Variants in FHOD3 observed in about 807,000 individuals in gnomAD.
The protein encoded by FHOD3 is FH1/FH2 domain-containing protein 3.
In FHOD3, 90 loss-of-function variants were observed where a neutral mutation model predicts 173.0. The ratio of observed to expected loss-of-function variants is 0.52; its 90% CI spans 0.44 to 0.62. The LOEUF (loss-of-function observed/expected upper bound fraction) is 0.62, where lower values mean the gene tolerates loss of function less well. Among genes scored for constraint, FHOD3 ranks in the 20% least tolerant of loss-of-function variants. The pLI, the probability that FHOD3 is intolerant of heterozygous loss-of-function variation, is 0.00. For missense variants in FHOD3, 1,945 were observed against 2,034.7 expected (o/e 0.96, Z 0.85); for synonymous variants, 828 against 823.0 (o/e 1.01, Z -0.10).
intron 3 of FHOD3, among the ~76,000 whole-genome samples, chr18:36,497,548 A>G (rs1484793073): frequency 6.6e-6 from 1 of 152,232 alleles, no homozygotes; most frequent in African/African-American, 2.4e-5. Flanking sequence ...CACTAACCCA[A>G]AGTGTCCATA....
At chr18:36,590,710 A>G (rs1373691457) in intron 6 of FHOD3, among the ~76,000 whole-genome samples, 2 of 152,236 alleles carry the variant, frequency 1.3e-5, no homozygotes, top group East Asian at 3.9e-4. Flanking sequence ...AACAAATTAC[A>G]GTGCCAAAAA....
intron 3 of FHOD3, among the ~76,000 whole-genome samples, chr18:36,429,453 G>A (rs956461167): frequency 2.0e-5 from 3 of 152,164 alleles, no homozygotes; most frequent in Non-Finnish European, 4.4e-5. Flanking sequence ...TGGGACTTTA[G>A]TTCTTATGGA....
intron 3 of FHOD3, among the ~76,000 whole-genome samples, chr18:36,439,969 G>A (rs1036620629): frequency 6.6e-6 from 1 of 152,066 alleles, no homozygotes; most frequent in Non-Finnish European, 1.5e-5. Context: ...AATGTGAATC[G>A]TTTCTAGAAA....
intron 8 of FHOD3, among the ~76,000 whole-genome samples, chr18:36,609,307 C>A (rs1250595355): frequency 2.0e-5 from 3 of 151,736 alleles, no homozygotes; most frequent in African/African-American, 7.3e-5. Context: ...GAGGGGAGGC[C>A]CAGGGACAGG....
At chr18:36,565,414 C>T (rs945136665) in intron 5 of FHOD3, among the ~76,000 whole-genome samples, 5 of 152,148 alleles carry the variant, frequency 3.3e-5, no homozygotes, top group Admixed American at 6.5e-5. Context: ...TTTCAGAGCT[C>T]CTGTGTTCTA....
chr18:36,485,610 T>C (rs113129370), intron 3 of FHOD3, among the ~76,000 whole-genome samples: 1 of 152,312 alleles, frequency 6.6e-6, no homozygotes, highest in African/African-American at 2.4e-5. Flanking sequence ...GCGCCCTTGG[T>C]GTTCTTCCTT....
At chr18:36,516,957 G>A (rs541580216) in intron 5 of FHOD3, among the ~76,000 whole-genome samples, 1 of 151,696 alleles carries the variant, frequency 6.6e-6, no homozygotes, top group Non-Finnish European at 1.5e-5. Flanking sequence ...CTCTTTATTT[G>A]TCTTTATTTG....
intron 13 of FHOD3, among the ~76,000 whole-genome samples, chr18:36,654,619 C>G (rs189235605): frequency 6.6e-6 from 1 of 152,244 alleles, no homozygotes; most frequent in East Asian, 1.9e-4. Flanking sequence ...CGAGCTCATA[C>G]GCATCCCTGA....
chr18:36,406,089 G>GTTTTTTTTTT (rs763484942), intron 3 of FHOD3, among the ~76,000 whole-genome samples: 1 of 135,730 alleles, frequency 7.4e-6, no homozygotes, highest in Non-Finnish European at 1.6e-5. Flanking sequence ...TTTTGTTTTT[G>GTTTTTTTTTT]TTTTTGTTTT....
intron 1 of FHOD3, among the ~76,000 whole-genome samples, chr18:36,308,048 C>T (rs2092149653): frequency 6.6e-6 from 1 of 152,160 alleles, no homozygotes; most frequent in African/African-American, 2.4e-5. Context: ...TTCCCAGGTT[C>T]CATGAGGGAA....
intron 5 of FHOD3, among the ~76,000 whole-genome samples, chr18:36,550,983 T>G (rs1429733601): frequency 2.6e-5 from 4 of 152,202 alleles, no homozygotes; most frequent in African/African-American, 9.6e-5. Context: ...GACATCCTTG[T>G]CTTACTCCCC....
intron 3 of FHOD3, among the ~76,000 whole-genome samples, chr18:36,444,061 C>T (rs534823489): frequency 2.4e-4 from 36 of 152,002 alleles, no homozygotes; most frequent in South Asian, 1.0e-3. Context: ...GGGGCAGTGG[C>T]GGGCGCCTGT....
At chr18:36,563,040 G>A (rs577534422) in intron 5 of FHOD3, among the ~76,000 whole-genome samples, 1 of 152,314 alleles carries the variant, frequency 6.6e-6, no homozygotes, top group African/African-American at 2.4e-5. Context: ...GCTCAGCAAC[G>A]AGTCCCCTCA....
intron 19 of FHOD3, among the ~76,000 whole-genome samples, chr18:36,723,529 G>T (rs1334239255): frequency 6.6e-6 from 1 of 152,156 alleles, no homozygotes; most frequent in African/African-American, 2.4e-5. Context: ...TTTCTCAACG[G>T]ACAGTTTTGA....
chr18:36,712,110 C>G (rs1189521958), intron 18 of FHOD3, among the ~76,000 whole-genome samples: 1 of 152,196 alleles, frequency 6.6e-6, no homozygotes, highest in Non-Finnish European at 1.5e-5. Flanking sequence ...ACATCTCCCT[C>G]CACCAGCACC....
At chr18:36,576,786 C>A (rs78561700) in intron 6 of FHOD3, among the ~76,000 whole-genome samples, 3 of 152,200 alleles carry the variant, frequency 2.0e-5, no homozygotes, top group South Asian at 4.1e-4. Flanking sequence ...TTGGAACCTT[C>A]GGTTTTTAAT....
chr18:36,693,325 C>T lies in FHOD3; in HGVS notation c.2138C>T (p.Ala713Val). ...SLDLTSPAAP[A>V]CLAPLSHSPS... ...GACCTGACCTCGCCAGCAGCCCCAG[C>T]CTGCCTGGCTCCTCTGAGCCATAGC... The change falls in exon 17 of 29, where the codon GCC becomes GTC. Residue 713 changes from alanine to valine, a missense_variant. Coordinates refer to ENST00000590592, the MANE Select transcript of FHOD3 (RefSeq NM_001281740.3). 6.2e-7 allele frequency: 1 copy of T among 1,613,894 alleles called. No individual in the cohort carries two copies. The highest frequency in any genetic ancestry group is 8.5e-7 in the Non-Finnish European group (1 of 1,179,834).
At chr18:36,512,386 G>A (rs1293950679) in intron 4 of FHOD3, 52 bp from the exon 5 acceptor site, 18 of 1,347,532 alleles carry the variant, frequency 1.3e-5, no homozygotes, top group Non-Finnish European at 1.8e-5. Flanking sequence ...CAGCTGGGAT[G>A]GAAGGTGGAC....
intron 3 of FHOD3, among the ~76,000 whole-genome samples, chr18:36,428,770 A>G (rs913215482): frequency 8.5e-5 from 13 of 152,090 alleles, no homozygotes; most frequent in African/African-American, 3.1e-4. Context: ...TATTTTTTCC[A>G]ACTTCAGGAT....
Sources: allele counts gnomAD v4.1 joint callset (sites outside exome capture counted in the v4.1 genomes callset), GRCh38; gene constraint gnomAD v4.1.1; transcripts MANE v1.5; gene names NCBI Gene and HGNC (gene_info 2026-07-23, HGNC 2026-07-21).